HIPK2: variants seen among roughly 807,000 people sequenced by gnomAD.
The protein encoded by HIPK2 is homeodomain-interacting protein kinase 2.
Under a neutral mutation model 113.7 loss-of-function variants are expected in HIPK2, and 27 were observed. That is an observed-to-expected ratio of 0.24 (90% CI 0.17 to 0.33). HIPK2 has a LOEUF of 0.33. Ranked by LOEUF, HIPK2 falls within the 10% of genes least tolerant of loss-of-function variation. HIPK2 has a pLI of 1.00. For synonymous variants in HIPK2, 631 were observed against 642.2 expected (o/e 0.98, Z 0.26); for missense variants, 1,257 against 1,588.0 (o/e 0.79, Z 3.54).
At chr7:139,655,752 T>A (rs1390263718) in intron 2 of HIPK2, among the ~76,000 whole-genome samples, 1 of 152,016 alleles carries the variant, frequency 6.6e-6, no homozygotes, top group Non-Finnish European at 1.5e-5. Flanking sequence ...AATGATTGAT[T>A]GTGGTTATGA....
intron 2 of HIPK2, among the ~76,000 whole-genome samples, chr7:139,659,250 T>A (rs1257705836): frequency 6.6e-6 from 1 of 152,176 alleles, no homozygotes; most frequent in Admixed American, 6.5e-5. Flanking sequence ...CTTAACCCTT[T>A]CCCTGCCACG....
rs1800615672 is a variant in HIPK2, at chr7:139,631,481, G to A, written c.1227+121C>T. The A allele has an allele frequency of 6.1e-6, 9 of 1,465,128 alleles. No homozygotes were observed. Among genetic ancestry groups the A allele is most frequent in the Non-Finnish European group, 8.2e-6 (9 of 1,099,668 alleles). 90.8% of individuals were successfully genotyped at this position (1,465,128 alleles called of 1,614,324 possible). On this transcript the variant is annotated intron_variant, in intron 3 of 14. Transcript: ENST00000406875. The surrounding 1 kb of genome is among the most constrained non-coding windows in gnomAD (Gnocchi z 4.9). ...AGCAAGGTTAAGGGAAGCAAGGTTTGGGAGACAACGTGACATTCCACAGTC... is the reference window on the plus strand; with the variant it reads ...AGCAAGGTTAAGGGAAGCAAGGTTTAGGAGACAACGTGACATTCCACAGTC...
chr7:139,672,065 G>C (rs1802321887), intron 2 of HIPK2, among the ~76,000 whole-genome samples: 1 of 132,104 alleles, frequency 7.6e-6, no homozygotes, highest in Admixed American at 8.1e-5. Flanking sequence ...GTTTCTTATA[G>C]TTTATGTCTA....
rs138159705 is a variant in HIPK2 at position 139,679,294 on chromosome 7, C to A, written c.1103+36638G>T. Among the ~76,000 whole-genome samples, 634 of 152,176 alleles carry A rather than the reference C, an allele frequency of 4.2e-3. 4 individuals are homozygous for A. Among genetic ancestry groups the A allele is most frequent in the African/African-American group, 0.012 (498 of 41,504 alleles). ...TTCTAAAGGGCCTTAAACCCATTCA[C>A]CAGGGAGAAGCCTTCACGGCCTAAT... On this transcript the variant is annotated intron_variant, in intron 2 of 14. Transcript: ENST00000406875.
chr7:139,695,985 T>A (rs1452828623), intron 2 of HIPK2, among the ~76,000 whole-genome samples: 1 of 152,136 alleles, frequency 6.6e-6, no homozygotes, highest in African/African-American at 2.4e-5. Flanking sequence ...TATTAACAAA[T>A]CAGGATTTGA....
chr7:139,655,242 A>G (rs73156877), intron 2 of HIPK2, among the ~76,000 whole-genome samples: 8,859 of 152,310 alleles, frequency 0.058, 331 homozygotes, highest in African/African-American at 0.11. Context: ...TACAAACCAG[A>G]AAATAGTTCA....
chr7:139,697,118 G>A (rs1278322590), intron 2 of HIPK2, among the ~76,000 whole-genome samples: 1 of 152,106 alleles, frequency 6.6e-6, no homozygotes, highest in Non-Finnish European at 1.5e-5. Context: ...CCGACCCCCT[G>A]CCAGGGATCA....
intron 1 of HIPK2, among the ~76,000 whole-genome samples, chr7:139,756,829 C>T (rs1222779319): frequency 6.6e-6 from 1 of 152,212 alleles, no homozygotes; most frequent in African/African-American, 2.4e-5. Flanking sequence ...ATCAACTATA[C>T]TCTCCCATAT....
intron 1 of HIPK2, among the ~76,000 whole-genome samples, chr7:139,750,120 T>C (rs1280303707): frequency 6.6e-6 from 1 of 152,242 alleles, no homozygotes; most frequent in East Asian, 1.9e-4. Flanking sequence ...CATACTCTTT[T>C]AAAATTGCAG....
intron 2 of HIPK2, among the ~76,000 whole-genome samples, chr7:139,668,800 G>T (rs1301465047): frequency 6.6e-6 from 1 of 152,212 alleles, no homozygotes; most frequent in African/African-American, 2.4e-5. Context: ...GATATTAGCT[G>T]TTCTATTTAG....
chr7:139,763,528 A>G (rs1179819520), intron 1 of HIPK2, among the ~76,000 whole-genome samples: 1 of 127,352 alleles, frequency 7.9e-6, no homozygotes, highest in Non-Finnish European at 1.6e-5. Context: ...TTGTCTGTGC[A>G]GCTTTCACTC....
chr7:139,664,420 C>T (rs1363800098), intron 2 of HIPK2, among the ~76,000 whole-genome samples: 2 of 152,070 alleles, frequency 1.3e-5, no homozygotes, highest in Admixed American at 6.6e-5. Context: ...GCCTGTAATC[C>T]CAGCTACTAG....
chr7:139,769,490 A>G (rs564502126), intron 1 of HIPK2, among the ~76,000 whole-genome samples: 1 of 152,238 alleles, frequency 6.6e-6, no homozygotes, highest in Non-Finnish European at 1.5e-5. Flanking sequence ...ACCTTTTAAC[A>G]ACTGATCCCA....
At chr7:139,678,046 C>T (rs139668866) in intron 2 of HIPK2, among the ~76,000 whole-genome samples, 2,466 of 152,224 alleles carry the variant, frequency 0.016, 60 homozygotes, top group African/African-American at 0.055. Context: ...TCATATCCTT[C>T]GGCCACTTTT....
chr7:139,730,184 A>G (rs961843386), intron 1 of HIPK2, among the ~76,000 whole-genome samples: 2 of 152,176 alleles, frequency 1.3e-5, no homozygotes, highest in African/African-American at 4.8e-5. Context: ...GTAAAGTAAA[A>G]TGATGCGTTT....
At chr7:139,713,412 C>T (rs943985314) in intron 2 of HIPK2, among the ~76,000 whole-genome samples, 1 of 151,946 alleles carries the variant, frequency 6.6e-6, no homozygotes, top group African/African-American at 2.4e-5. Context: ...CAGCACCAGG[C>T]AGGAAAGCAA....
At chr7:139,702,215 G>T (rs1490421088) in intron 2 of HIPK2, among the ~76,000 whole-genome samples, 1 of 152,310 alleles carries the variant, frequency 6.6e-6, no homozygotes, top group Non-Finnish European at 1.5e-5. Flanking sequence ...GCCTCTTGCT[G>T]CCAGGAGTGG....
chr7:139,660,105 TGGCCTCCC>T (rs1585342379), intron 2 of HIPK2, among the ~76,000 whole-genome samples: 2 of 152,366 alleles, frequency 1.3e-5, no homozygotes, highest in East Asian at 3.9e-4. Context: ...TTTACTGGAA[TGGCCTCCC>T]ATAGTTTGAG....
At chr7:139,768,077 C>T (rs949526402) in intron 1 of HIPK2, among the ~76,000 whole-genome samples, 3 of 152,228 alleles carry the variant, frequency 2.0e-5, no homozygotes, top group African/African-American at 7.2e-5. Flanking sequence ...CAAGAGGCAC[C>T]CCAGTTCCAA....
Sources: gnomAD v4.1 joint callset for allele counts (sites outside exome capture counted in the v4.1 genomes callset) on GRCh38, gnomAD v4.1.1 for gene constraint, Gnocchi (gnomAD v3.1) non-coding constraint, MANE v1.5 for transcripts, NCBI Gene and HGNC (gene_info 2026-07-23, HGNC 2026-07-21) for gene names.